Variants in FANCA observed in about 807,000 individuals in gnomAD.
FANCA encodes FA complementation group A.
In FANCA, 236 loss-of-function variants were observed where a neutral mutation model predicts 194.3. That is an observed-to-expected ratio of 1.21 (90% CI 1.09 to 1.35). The LOEUF is 1.35. Among genes scored for constraint, FANCA ranks in the 40% most tolerant of loss-of-function variants. The pLI is 0.00. For synonymous variants in FANCA, 1,014 were observed against 715.8 expected, an observed-to-expected ratio of 1.42 and a Z score of -6.65; for missense variants, 2,628 against 1,813.9, an observed-to-expected ratio of 1.45 and a Z score of -8.15.
chr16:89,778,102 C>T (rs899076002), intron 20 of FANCA, among the ~76,000 whole-genome samples: 1 of 138,246 alleles, frequency 7.2e-6, no homozygotes, highest in African/African-American at 2.8e-5. Context: ...GTGGAGGGTG[C>T]AGTGAGCCAA....
Position 89,779,801 on chromosome 16 carries a change from C to T in FANCA, c.1715+68G>A. 3.1e-6 allele frequency: 4 copies of T among 1,293,056 alleles called. No individual in the cohort carries two copies. The South Asian group carries it at 3.6e-5, about 11-fold the overall frequency. The allele number at this position is 1,293,056 out of a possible 1,614,324, so 80.1% of individuals were successfully genotyped here. A position where few individuals can be genotyped will look rare whatever the true frequency, so the allele number is the denominator to read the frequency against. On this transcript the variant is annotated intron_variant, in intron 18 of 42. Coordinates refer to ENST00000389301, the MANE Select transcript of FANCA (RefSeq NM_000135.4). ...GGCATCAGAGCAGAGTCTGCACATA[C>T]TGCAGGCATCAGAGCGCGGTCTGCA...
At position 89,769,892 on chromosome 16, in the gene FANCA, G is replaced by A. The variant is rs1422749540; in HGVS notation, c.2449C>T (p.Leu817Phe). The A allele has an allele frequency of 6.2e-7, 1 of 1,614,118 alleles. No homozygotes were observed. The highest frequency in any genetic ancestry group is 8.5e-7 in the Non-Finnish European group (1 of 1,180,024). The change falls in exon 26 of 43, where the codon CTC becomes TTC. Residue 817 changes from leucine (L) to phenylalanine (F), a missense_variant. Physicochemically the swap from Leu to Phe is conservative, Grantham distance 22. Coordinates refer to ENST00000389301, the MANE Select transcript of FANCA (RefSeq NM_000135.4). ...CTACAGGTCAGGAGGCTGTCAAAGA[G>A]CGCAGGGACAGGAAGGCCAGCACCA... ...APGAGLPVPALFDSLLTCRTR... is the reference protein window; with the variant it reads ...APGAGLPVPAFFDSLLTCRTR...
intron 36 of FANCA, among the ~76,000 whole-genome samples, chr16:89,743,471 C>T (rs17227298): frequency 1.4e-4 from 21 of 152,180 alleles, no homozygotes; most frequent in African/African-American, 4.6e-4. Context: ...TCAGGAGGAT[C>T]GCTTAAGCCC....
intron 22 of FANCA, among the ~76,000 whole-genome samples, chr16:89,772,537 G>A (rs1303826955): frequency 6.6e-6 from 1 of 150,910 alleles, no homozygotes; most frequent in East Asian, 2.0e-4. Flanking sequence ...CTCCATGTAG[G>A]CCAGGCACGG....
At position 89,784,941 on chromosome 16, in the gene FANCA, G is replaced by C. The variant is rs1254255756; in HGVS notation, c.1383C>G (p.Gly461=). 2 of 1,613,950 alleles carry C rather than the reference G, an allele frequency of 1.2e-6. No homozygotes were observed. The highest frequency in any genetic ancestry group is 1.7e-6 in the Non-Finnish European group (2 of 1,179,976). ...WFKASFGSTR[G]YHGCSKKALV... ...GGGCCTTCTTGCTGCAGCCATGGTA[G>C]CCTCGTGTGCTCCCAAAGGAGGCCT... The change falls in exon 15 of 43, where the codon GGC becomes GGG. Residue 461 remains glycine (G), a synonymous_variant. Transcript: ENST00000389301.
At chr16:89,775,198 C>T (rs2039459641) in intron 21 of FANCA, among the ~76,000 whole-genome samples, 3 of 152,120 alleles carry the variant, frequency 2.0e-5, no homozygotes, top group South Asian at 2.1e-4. Flanking sequence ...CCACACACTT[C>T]AAGAAAAACC....
chr16:89,748,496 G>A (rs1237694624), intron 33 of FANCA, among the ~76,000 whole-genome samples, 163 bp downstream of exon 33: 1 of 152,192 alleles, frequency 6.6e-6, no homozygotes, highest in East Asian at 1.9e-4. Context: ...GGCTGTGGGT[G>A]GGGTCCTCCC....
rs1598201616 is a variant in FANCA at position 89,815,535 on chromosome 16, C to T, written c.189+342G>A. 2.7e-5 allele frequency among the ~76,000 whole-genome samples: 4 copies of T among 150,376 alleles called. No individual in the cohort carries two copies. The South Asian group carries it at 6.4e-4, about 24-fold the overall frequency. On this transcript the variant is annotated intron_variant, in intron 2 of 42. Coordinates refer to ENST00000389301, the MANE Select transcript of FANCA (RefSeq NM_000135.4). ...CACACCCAGCTAATTTTTGTATTTT[C>T]AGTAGAGACCGGGTTTCACTATGTT...
intron 39 of FANCA, 132 bp from the exon 40 acceptor site, chr16:89,739,685 G>C: frequency 1.3e-6 from 2 of 1,513,374 alleles, no homozygotes; most frequent in Non-Finnish European, 1.8e-6. Flanking sequence ...CGAACAGCCT[G>C]AGCTGAGGAT....
chr16:89,776,713 C>A (rs1490482171), intron 20 of FANCA, among the ~76,000 whole-genome samples: 1 of 151,858 alleles, frequency 6.6e-6, no homozygotes, highest in Non-Finnish European at 1.5e-5. Flanking sequence ...CGCCTGCAGT[C>A]TCAGCTACTT....
rs61757383 is a variant in FANCA, at chr16:89,815,909, T to G, written c.157A>C (p.Ser53Arg). The change falls in exon 2 of 43, where the codon AGC becomes CGC. Residue 53 changes from serine (S) to arginine (R), a missense_variant. Transcript: ENST00000389301. ...LKESAVRLLR[S>R]HQDLNALLLE... is the part of the protein sequence containing the mutation. ...AAAAGGGCATTCAGGTCCTGATGGC[T>G]TCGCAGGAGGCGCACAGCTGATTCC... is the stretch of plus-strand genomic sequence containing the variant. 139 of 1,614,024 alleles carry G rather than the reference T, an allele frequency of 8.6e-5. No individual in the cohort carries two copies. The highest frequency in any genetic ancestry group is 3.9e-4 in the African/African-American group (29 of 74,946).
chr16:89,774,529 G>C (rs926099183), intron 21 of FANCA, among the ~76,000 whole-genome samples: 1 of 151,828 alleles, frequency 6.6e-6, no homozygotes, highest in Non-Finnish European at 1.5e-5. Context: ...AGGAGATTGA[G>C]ACCATTCTGG....
intron 10 of FANCA, chr16:89,798,621 C>A: frequency 8.5e-7 from 1 of 1,175,496 alleles, no homozygotes; most frequent in Non-Finnish European, 1.1e-6. Flanking sequence ...CCACCCAGCC[C>A]CCACTCCTCA....
chr16:89,745,101 G>A (rs775054825), intron 35 of FANCA, 30 bp from the exon 36 acceptor site: 2 of 1,550,496 alleles, frequency 1.3e-6, no homozygotes, highest in East Asian at 2.4e-5. Flanking sequence ...ACACAGATGA[G>A]GGTGGCTGAG....
chr16:89,775,711 C>A (rs756620270), intron 21 of FANCA, 31 bp downstream of exon 21: 1 of 1,578,344 alleles, frequency 6.3e-7, no homozygotes, highest in South Asian at 1.1e-5. Context: ...AAGCACAAGT[C>A]CCAGAGTGGA....
At chr16:89,752,836 A>G (rs1389512184) in intron 30 of FANCA, among the ~76,000 whole-genome samples, 2 of 152,168 alleles carry the variant, frequency 1.3e-5, no homozygotes. Context: ...AGCGGTAGCA[A>G]AAGGTGTCAA....
chr16:89,768,038 T>C (rs1338476467), intron 26 of FANCA, among the ~76,000 whole-genome samples: 2 of 152,190 alleles, frequency 1.3e-5, no homozygotes, highest in Admixed American at 1.3e-4. Context: ...ATGCCCAGGC[T>C]GGAGTGCAGT....
In FANCA at chr16:89,796,034, A is replaced by T. The variant is rs756768736; in HGVS notation, c.894-16T>A. The T allele has an allele frequency of 1.2e-6, 2 of 1,602,994 alleles. No homozygotes were observed. Among genetic ancestry groups the T allele is most frequent in the Non-Finnish European group, 1.7e-6 (2 of 1,170,040 alleles). On this transcript the variant is annotated splice_polypyrimidine_tract_variant and intron_variant, in intron 10 of 42. Transcript: ENST00000389301. Reference sequence around the variant, plus strand: ...CACTCCGAACCTGCCAATGCAGCAGAAAGAGGGGTCAGGAAAGGGAGGGTG... The same window carrying T: ...CACTCCGAACCTGCCAATGCAGCAGTAAGAGGGGTCAGGAAAGGGAGGGTG...
chr16:89,740,979 C>T (rs1343491897), intron 37 of FANCA, 113 bp from the exon 38 acceptor site: 13 of 936,436 alleles, frequency 1.4e-5, no homozygotes, highest in Non-Finnish European at 2.2e-5. Context: ...GGCCATAAAT[C>T]CTTTAAGTGG....
Sources: gnomAD v4.1 joint callset for allele counts (sites outside exome capture counted in the v4.1 genomes callset) on GRCh38, gnomAD v4.1.1 for gene constraint, MANE v1.5 for transcripts, NCBI Gene and HGNC (gene_info 2026-07-23, HGNC 2026-07-21) for gene names.